The following RBFOX1 variants were observed in gnomAD, a reference collection of about 807,000 sequenced individuals.
RBFOX1 encodes the protein RNA binding protein fox-1 homolog 1.
RBFOX1 carries 8 observed loss-of-function variants against 57.7 expected under a neutral mutation model. That is an observed-to-expected ratio of 0.14 (90% CI 0.08 to 0.25). RBFOX1 has a LOEUF of 0.25. RBFOX1 is among the 10% of genes least tolerant of loss of function. The probability of loss-of-function intolerance (pLI) is 1.00; values close to 1 mark genes in which losing one functional copy is unlikely to be tolerated. For missense variants in RBFOX1, 611 were observed against 548.5 expected (o/e 1.11, Z -1.14); for synonymous variants, 326 against 222.4 (o/e 1.47, Z -4.15).
At chr16:6,601,634 C>T (rs1057206496) in intron 2 of RBFOX1, among the ~76,000 whole-genome samples, 12 of 152,092 alleles carry the variant, frequency 7.9e-5, no homozygotes, top group South Asian at 4.1e-4. Flanking sequence ...GGGACTAGCT[C>T]GCTCAGGAAC....
intron 3 of RBFOX1, among the ~76,000 whole-genome samples, chr16:5,764,006 T>A (rs2053683463): frequency 6.6e-6 from 1 of 152,246 alleles, no homozygotes; most frequent in African/African-American, 2.4e-5. Flanking sequence ...GGGCAGGTAC[T>A]TTATCCTATT....
At chr16:6,274,677 T>C (rs1466339403) in intron 1 of RBFOX1, among the ~76,000 whole-genome samples, 1 of 152,174 alleles carries the variant, frequency 6.6e-6, no homozygotes, top group Non-Finnish European at 1.5e-5. Context: ...AAATCACCCT[T>C]GTGGGAGGAA....
At chr16:5,404,631 A>G in intron 1 of RBFOX1, among the ~76,000 whole-genome samples, 1 of 152,186 alleles carries the variant, frequency 6.6e-6, no homozygotes, top group East Asian at 1.9e-4. Context: ...CTCTGAGTTC[A>G]TCACAGAGCC....
chr16:6,728,842 G>T (rs28546390), intron 3 of RBFOX1, among the ~76,000 whole-genome samples: 5 of 152,080 alleles, frequency 3.3e-5, no homozygotes, highest in Non-Finnish European at 5.9e-5. Flanking sequence ...AATTCATGTA[G>T]CATTCAAAAC....
intron 1 of RBFOX1, among the ~76,000 whole-genome samples, chr16:6,161,007 C>T (rs1479095908): frequency 6.6e-6 from 1 of 152,220 alleles, no homozygotes; most frequent in East Asian, 1.9e-4. Context: ...ATGCGAGCTC[C>T]ATGAGCACAG....
At chr16:7,693,403 A>G in intron 14 of RBFOX1, 1 of 1,462,042 alleles carries the variant, frequency 6.8e-7, no homozygotes, top group Non-Finnish European at 9.4e-7. Context: ...GCATCCATCC[A>G]AGTCTCAGTA....
intron 3 of RBFOX1, among the ~76,000 whole-genome samples, chr16:6,824,561 C>A (rs1014566874): frequency 5.9e-5 from 9 of 151,942 alleles, no homozygotes; most frequent in Non-Finnish European, 1.3e-4. Flanking sequence ...TAATAATAAT[C>A]ATAATAAATA....
At chr16:7,464,331 T>A (rs149759596) in intron 4 of RBFOX1, among the ~76,000 whole-genome samples, 3 of 152,234 alleles carry the variant, frequency 2.0e-5, no homozygotes, top group African/African-American at 7.2e-5. Flanking sequence ...ATGATCACCA[T>A]CGCAGGTGAA....
intron 3 of RBFOX1, among the ~76,000 whole-genome samples, chr16:6,929,578 G>T (rs936309088): frequency 3.3e-5 from 5 of 152,094 alleles, no homozygotes; most frequent in African/African-American, 1.2e-4. Flanking sequence ...GTCTGCATGG[G>T]GCCGGGGAAA....
At chr16:6,796,726 A>T (rs1407690905) in intron 3 of RBFOX1, among the ~76,000 whole-genome samples, 1 of 152,190 alleles carries the variant, frequency 6.6e-6, no homozygotes, top group Non-Finnish European at 1.5e-5. Flanking sequence ...TCTCCTGGGT[A>T]CACATTTATG....
At chr16:7,460,389 A>ATGTGTGTGTGTG (rs1235047786) in intron 4 of RBFOX1, among the ~76,000 whole-genome samples, 6 of 87,198 alleles carry the variant, frequency 6.9e-5, no homozygotes, top group South Asian at 4.5e-4. Context: ...ATATATATAT[A>ATGTGTGTGTGTG]TGTGTGTGTG....
chr16:6,993,480 C>T (rs143857623), intron 3 of RBFOX1, among the ~76,000 whole-genome samples: 221 of 152,212 alleles, frequency 1.5e-3, no homozygotes, highest in African/African-American at 5.0e-3. Flanking sequence ...ATGGGGAAAG[C>T]CATCCTGTTG....
chr16:7,300,812 T>C (rs1196208226), intron 4 of RBFOX1, among the ~76,000 whole-genome samples: 1 of 152,194 alleles, frequency 6.6e-6, no homozygotes, highest in Non-Finnish European at 1.5e-5. Context: ...GGAAGTTTCA[T>C]TTGAAGATGA....
chr16:6,497,396 T>C (rs1331924368), intron 2 of RBFOX1, among the ~76,000 whole-genome samples: 1 of 152,160 alleles, frequency 6.6e-6, no homozygotes, highest in East Asian at 1.9e-4. Flanking sequence ...ATTTCTCAGC[T>C]ACTTTTCCCA....
intron 1 of RBFOX1, among the ~76,000 whole-genome samples, chr16:5,246,757 G>A (rs7405426): frequency 0.86 from 130,113 of 151,510 alleles, 55,984 homozygotes; most frequent in East Asian, 0.99. Context: ...TGCAGCCTTG[G>A]CCTCCCAAGC....
At chr16:5,509,733 G>C (rs1452893736) in intron 2 of RBFOX1, among the ~76,000 whole-genome samples, 2 of 152,196 alleles carry the variant, frequency 1.3e-5, no homozygotes, top group Non-Finnish European at 2.9e-5. Context: ...GCTTGGGCCA[G>C]GCGTGGACGT....
At chr16:7,441,605 T>C (rs547493963) in intron 4 of RBFOX1, among the ~76,000 whole-genome samples, 1 of 152,350 alleles carries the variant, frequency 6.6e-6, no homozygotes, top group East Asian at 1.9e-4. Flanking sequence ...TTTTGCTTTT[T>C]TCCCCCCTGT....
chr16:5,537,460 G>A (rs768603372), intron 2 of RBFOX1, among the ~76,000 whole-genome samples: 1 of 152,214 alleles, frequency 6.6e-6, no homozygotes, highest in African/African-American at 2.4e-5. Flanking sequence ...ATCTGGCATG[G>A]GTCTTACTGG....
In RBFOX1 at chr16:5,550,171, T is replaced by A. The variant is rs113382740; in HGVS notation, c.259-48731T>A. On this transcript the variant is annotated intron_variant, in intron 2 of 2. Coordinates refer to the RBFOX1 transcript ENST00000585867. Reference sequence around the variant, plus strand: ...CACTGCAGAACCAACTGTGCAGTGTTGCGAGAGGGGCTGTGTGGAGAAGCT... The same window carrying A: ...CACTGCAGAACCAACTGTGCAGTGTAGCGAGAGGGGCTGTGTGGAGAAGCT... Among the ~76,000 whole-genome samples the A allele has an allele frequency of 4.6e-5, 7 of 152,322 alleles. 2 individuals carry two copies. Among genetic ancestry groups the A allele is most frequent in the African/African-American group, 1.7e-4 (7 of 41,576 alleles).
Sources: gnomAD v4.1 joint callset for allele counts (sites outside exome capture counted in the v4.1 genomes callset) on GRCh38, gnomAD v4.1.1 for gene constraint, MANE v1.5 for transcripts, NCBI Gene and HGNC (gene_info 2026-07-23, HGNC 2026-07-21) for gene names.